The following NPY1R variants were observed in gnomAD, a reference collection of about 807,000 sequenced individuals.
NPY1R encodes the protein neuropeptide Y receptor Y1.
In NPY1R, 10 loss-of-function variants were observed where a neutral mutation model predicts 24.1. The observed-to-expected ratio is 0.42, with a 90% confidence interval of 0.26 to 0.71. NPY1R has a LOEUF of 0.71. Ranked by LOEUF, NPY1R falls within the 30% of genes least tolerant of loss-of-function variation. The pLI, the probability that NPY1R is intolerant of heterozygous loss-of-function variation, is 0.28. For missense variants in NPY1R, 350 were observed against 458.0 expected (o/e 0.76, Z 2.15); for synonymous variants, 168 against 165.9 (o/e 1.01, Z -0.10).
At chr4:163,342,993 C>G (rs980609976) in intron 1 of NPY1R, among the ~76,000 whole-genome samples, 9 of 148,040 alleles carry the variant, frequency 6.1e-5, no homozygotes, top group African/African-American at 1.8e-4. Flanking sequence ...CACACACACA[C>G]ACACACACAC....
At chr4:163,343,907 T>TC (rs1281019483) in intron 1 of NPY1R, 1 of 152,550 alleles carries the variant, frequency 6.6e-6, no homozygotes, top group Non-Finnish European at 1.5e-5. Context: ...CAGGTCCTGC[T>TC]CCCGCTGCTG....
upstream of NPY1R, among the ~76,000 whole-genome samples, chr4:163,336,351 A>C (rs1348795049): frequency 1.3e-5 from 2 of 152,230 alleles, no homozygotes; most frequent in Non-Finnish European, 2.9e-5. Context: ...TGTTTTTACT[A>C]TATGATATAA....
upstream of NPY1R, among the ~76,000 whole-genome samples, chr4:163,336,416 T>C (rs1404051514): frequency 2.6e-5 from 4 of 152,194 alleles, 1 homozygote; most frequent in Admixed American, 2.6e-4. Context: ...ATTATTACTA[T>C]TCCCTTCATA....
upstream of NPY1R, among the ~76,000 whole-genome samples, chr4:163,333,578 G>A (rs6824377): frequency 0.02 from 3,008 of 152,112 alleles, 86 homozygotes; most frequent in African/African-American, 0.07. Flanking sequence ...AAGATACAGG[G>A]CACTGCCCAG....
chr4:163,331,647 C>T (rs1006615594), intron 1 of NPY1R, among the ~76,000 whole-genome samples: 1 of 152,110 alleles, frequency 6.6e-6, no homozygotes, highest in African/African-American at 2.4e-5. Context: ...AACATCAGAC[C>T]TTAAAACATT....
At chr4:163,335,660 A>G (rs552934802), upstream of NPY1R, among the ~76,000 whole-genome samples, 4 of 152,260 alleles carry the variant, frequency 2.6e-5, no homozygotes, top group African/African-American at 9.6e-5. Flanking sequence ...ATGGGGGTAG[A>G]ACTATGATGA....
At position 163,325,260 on chromosome 4, in the gene NPY1R, T is replaced by C; in HGVS notation, c.*43A>G. On this transcript the variant is annotated 3_prime_UTR_variant, in exon 3 of 3. Transcript: ENST00000296533. The stretch of plus-strand genomic sequence containing the variant: ...CAAAGTATGTTGCAGGTTGTGCTTG[T>C]TTTTAAACAGATGTCATCCGGGACC... The C allele has an allele frequency of 2.1e-6, 3 of 1,421,854 alleles. No individual in the cohort carries two copies. The highest frequency in any genetic ancestry group is 4.6e-5 in the East Asian group (2 of 43,744). The allele number at this position is 1,421,854 out of a possible 1,614,324, so 88.1% of individuals were successfully genotyped here.
intron 1 of NPY1R, among the ~76,000 whole-genome samples, chr4:163,330,019 TTCAACACAC>T (rs1734693137): frequency 6.6e-6 from 1 of 152,132 alleles, no homozygotes; most frequent in Non-Finnish European, 1.5e-5. Flanking sequence ...CGCTGCTGTT[TTCAACACAC>T]TCAAGGAAAG....
Position 163,326,143 on chromosome 4 carries a change from G to A in NPY1R, c.412C>T (p.Arg138Ter), listed in dbSNP as rs1249639260. 10 of 1,614,014 alleles carry A rather than the reference G, an allele frequency of 6.2e-6. No individual in the cohort carries two copies. Among genetic ancestry groups the A allele is most frequent in the Middle Eastern group, 1.6e-4 (1 of 6,062 alleles). The change falls in exon 2 of 3, where the codon CGA becomes TGA. Residue 138 changes from arginine to a stop codon, truncating the protein, a stop_gained. Transcript: ENST00000296533. LOFTEE classifies it high-confidence loss of function. ...CGAGGGTTGATTATCAGCTGATGTC[G>A]TTCCACAGCAATGAGAACCAGAGAG... ...IFSLVLIAVERHQLIINPRGW... is the reference protein window; with the variant it reads ...IFSLVLIAVE
chr4:163,340,488 T>C (rs1311874558), intron 1 of NPY1R, among the ~76,000 whole-genome samples: 1 of 152,074 alleles, frequency 6.6e-6, no homozygotes, highest in Non-Finnish European at 1.5e-5. Flanking sequence ...AGTATTTTCT[T>C]TGTAAATTTT....
intron 1 of NPY1R, among the ~76,000 whole-genome samples, chr4:163,339,894 C>T (rs1734936330): frequency 6.6e-6 from 1 of 151,956 alleles, no homozygotes; most frequent in South Asian, 2.1e-4. Flanking sequence ...TTTTTTCTAC[C>T]TGTTCAATAA....
At chr4:163,334,869 A>G (rs978173782), upstream of NPY1R, among the ~76,000 whole-genome samples, 3 of 150,024 alleles carry the variant, frequency 2.0e-5, no homozygotes, top group African/African-American at 7.3e-5. Context: ...TGGAAAAAAA[A>G]AAAAAAAAAA....
At chr4:163,332,996 A>C (rs538483162), upstream of NPY1R, 1 of 152,312 alleles carries the variant, frequency 6.6e-6, no homozygotes, top group South Asian at 2.1e-4. Context: ...CTCGCTGGGA[A>C]ACATGAAATT....
chr4:163,331,121 G>T (rs144212048), intron 1 of NPY1R: 3,366 of 152,338 alleles, frequency 0.022, 50 homozygotes, highest in Middle Eastern at 0.048. Flanking sequence ...CGCTTGCTTC[G>T]CCAGAGAGCC....
rs865784759 is a variant in NPY1R at position 163,325,669 on chromosome 4, G to C, written c.789C>G (p.Ile263Met). Residue 263 changes from isoleucine (I) to methionine (M), a missense_variant, in exon 3 of 3, where the codon ATC (isoleucine) becomes ATG (methionine). By Grantham distance (10) the Ile-to-Met change is conservative (BLOSUM62 1). Transcript: ENST00000296533. ...ATGCTACCACAATGGAGAGCAGCAT[G>C]ATATTGATTCTTTTGGTTTCACTGG... is the stretch of plus-strand genomic sequence containing the variant. ...YRSSETKRINIMLLSIVVAFA... is the reference protein window; with the variant it reads ...YRSSETKRINMMLLSIVVAFA... 9 of 1,605,476 alleles carry C rather than the reference G, an allele frequency of 5.6e-6. No homozygotes were observed. In the African/African-American group the frequency reaches 8.0e-5, roughly 14 times the overall value.
In NPY1R at chr4:163,324,953, C is replaced by T. The variant is rs1227474403; in HGVS notation, c.*350G>A. ...TAATCAAGATGACCCAATCTAATGA[C>T]CGTATTGGATGGCAGGTACTTCTGA... On this transcript the variant is annotated 3_prime_UTR_variant, in exon 3 of 3. Transcript: ENST00000296533. The T allele has an allele frequency of 5.1e-6, 1 of 196,460 alleles. No homozygotes were observed. Among genetic ancestry groups the T allele is most frequent in the Non-Finnish European group, 1.1e-5 (1 of 95,198 alleles). The allele number at this position is 196,460 out of a possible 1,614,324, so 12.2% of individuals were successfully genotyped here. A position where few individuals can be genotyped will look rare whatever the true frequency, so the allele number is the denominator to read the frequency against.
chr4:163,339,326 A>C (rs1734920804), intron 1 of NPY1R, among the ~76,000 whole-genome samples: 1 of 152,184 alleles, frequency 6.6e-6, no homozygotes, highest in Admixed American at 6.5e-5. Flanking sequence ...TCTCAGGTAT[A>C]AAGCCCTCTG....
At chr4:163,330,791 G>A (rs1408815151) in intron 1 of NPY1R, 1 of 152,112 alleles carries the variant, frequency 6.6e-6, no homozygotes, top group East Asian at 1.9e-4. Flanking sequence ...CTTGCTCTTC[G>A]CAGTGCTGTT....
intron 1 of NPY1R, among the ~76,000 whole-genome samples, chr4:163,343,277 C>G (rs543316398): frequency 6.6e-6 from 1 of 151,510 alleles, no homozygotes; most frequent in Non-Finnish European, 1.5e-5. Context: ...CAGCTTCACT[C>G]CCCTGCTCCT....
Sources: gnomAD v4.1 joint callset for allele counts (sites outside exome capture counted in the v4.1 genomes callset) on GRCh38, gnomAD v4.1.1 for gene constraint, MANE v1.5 for transcripts, NCBI Gene and HGNC (gene_info 2026-07-23, HGNC 2026-07-21) for gene names.